Variants in CLDN16 observed in about 807,000 individuals in gnomAD.
CLDN16 encodes the protein claudin-16.
A neutral mutation model predicts 24.6 loss-of-function variants in CLDN16; 13 were observed. The observed-to-expected ratio is 0.53, with a 90% CI of 0.34 to 0.84. The LOEUF is 0.84. CLDN16 is among the 40% of genes least tolerant of loss of function. The probability of loss-of-function intolerance (pLI) is 0.01; values close to 1 mark genes in which losing one functional copy is unlikely to be tolerated. For missense variants in CLDN16, 298 were observed against 292.7 expected, an observed-to-expected ratio of 1.02 and a Z score of -0.13; for synonymous variants, 116 against 106.7, an observed-to-expected ratio of 1.09 and a Z score of -0.54.
At chr3:190,388,797 T>A (rs1718575585) in intron 1 of CLDN16, among the ~76,000 whole-genome samples, 1 of 152,218 alleles carries the variant, frequency 6.6e-6, no homozygotes, top group Non-Finnish European at 1.5e-5. Context: ...TACCACCCTT[T>A]TTTCTAAGAT....
chr3:190,300,175 A>G, the CLDN16 span, among the ~76,000 whole-genome samples: 1,440 of 151,312 alleles, frequency 9.5e-3, 23 homozygotes, highest in African/African-American at 0.033. Context: ...GGGGGCGGGC[A>G]GTTTGCTGAC....
chr3:190,328,637 C>T (rs1717120042), intron 1 of CLDN16, among the ~76,000 whole-genome samples: 1 of 151,320 alleles, frequency 6.6e-6, no homozygotes, highest in African/African-American at 2.4e-5. Flanking sequence ...AATATTTGAA[C>T]TAAACTCCCA....
At chr3:190,405,896 C>T (rs1261480885) in intron 3 of CLDN16, among the ~76,000 whole-genome samples, 1 of 152,126 alleles carries the variant, frequency 6.6e-6, no homozygotes, top group Non-Finnish European at 1.5e-5. Context: ...AAAGCTTAGT[C>T]CTCTTCTTTT....
At chr3:190,387,982 A>C, upstream of CLDN16, 1 of 773,952 alleles carries the variant, frequency 1.3e-6, no homozygotes, top group Non-Finnish European at 2.2e-6. Flanking sequence ...CCGTCTTGGC[A>C]CTGGCACTTG....
Position 190,368,840 on chromosome 3 carries a change from A to G in CLDN16, n.122-2053A>G, listed in dbSNP as rs538475139. Among the ~76,000 whole-genome samples the G allele has an allele frequency of 1.1e-4, 17 of 152,032 alleles. No individual in the cohort carries two copies. In the South Asian group the frequency reaches 3.5e-3, roughly 32 times the overall value. On this transcript the variant is annotated intron_variant and non_coding_transcript_variant, in intron 1 of 4. Transcript: ENST00000468220. ...TTCCTCTGTATTTTTTCCCTTTTCT[A>G]AGCTAGCCAAACCCTTTTATTGTTT... is the stretch of plus-strand genomic sequence containing the variant.
chr3:190,379,282 A>T (rs1032720036), intron 3 of CLDN16, among the ~76,000 whole-genome samples: 1 of 152,074 alleles, frequency 6.6e-6, no homozygotes, highest in African/African-American at 2.4e-5. Flanking sequence ...TGTAAAATGT[A>T]TTCCAAAATA....
chr3:190,312,788 A>G, the CLDN16 span: 3 of 1,486,972 alleles, frequency 2.0e-6, no homozygotes, highest in African/African-American at 2.8e-5. Flanking sequence ...GACTGAAATC[A>G]AGTATAATGA....
At chr3:190,312,867 A>AT in the CLDN16 span, 1 of 1,613,910 alleles carries the variant, frequency 6.2e-7, no homozygotes, top group African/African-American at 1.3e-5. Flanking sequence ...CACAGCCTCT[A>AT]TTACCTGCAA....
chr3:190,404,982 G>A, intron 3 of CLDN16, 56 bp downstream of exon 3: 1 of 1,550,708 alleles, frequency 6.4e-7, no homozygotes. Context: ...AAGGGCTTGA[G>A]GTGAAGGAGA....
chr3:190,306,315 G>A, the CLDN16 span: 8 of 152,296 alleles, frequency 5.3e-5, no homozygotes, highest in African/African-American at 1.9e-4. Context: ...AATCTTATTT[G>A]TTTAGTGCAC....
intron 1 of CLDN16, among the ~76,000 whole-genome samples, chr3:190,322,884 C>G (rs987422354): frequency 6.6e-6 from 1 of 152,044 alleles, no homozygotes; most frequent in East Asian, 1.9e-4. Context: ...GCTTCCTCCC[C>G]CTTCTTTCCT....
intron 1 of CLDN16, among the ~76,000 whole-genome samples, chr3:190,397,230 A>G (rs1356321950): frequency 2.0e-5 from 3 of 152,216 alleles, no homozygotes; most frequent in Non-Finnish European, 2.9e-5. Flanking sequence ...TCCATTTAGC[A>G]GGTAATCCAC....
At chr3:190,367,088 G>C (rs981957261) in intron 1 of CLDN16, among the ~76,000 whole-genome samples, 13 of 151,976 alleles carry the variant, frequency 8.6e-5, no homozygotes, top group African/African-American at 2.4e-4. Context: ...TTTATCTTTA[G>C]TCGACACTGT....
intron 1 of CLDN16, among the ~76,000 whole-genome samples, chr3:190,363,554 G>GTACATATATA (rs1553805321): frequency 1.2e-5 from 1 of 81,364 alleles, no homozygotes; most frequent in Non-Finnish European, 2.3e-5. Flanking sequence ...GTGTGTGTGT[G>GTACATATATA]TGTATATATA....
At chr3:190,295,973 GT>G in the CLDN16 span, among the ~76,000 whole-genome samples, 2 of 151,990 alleles carry the variant, frequency 1.3e-5, no homozygotes, top group Admixed American at 6.6e-5. Context: ...TGGCTCTAGG[GT>G]TTTTTATTTC....
At chr3:190,339,092 A>G (rs1261868982) in intron 1 of CLDN16, among the ~76,000 whole-genome samples, 1 of 152,202 alleles carries the variant, frequency 6.6e-6, no homozygotes, top group African/African-American at 2.4e-5. Flanking sequence ...ATTATAATCT[A>G]TGTTCTAGAG....
intron 1 of CLDN16, among the ~76,000 whole-genome samples, chr3:190,393,968 G>A (rs187433788): frequency 3.3e-5 from 5 of 151,992 alleles, no homozygotes; most frequent in Non-Finnish European, 7.4e-5. Context: ...GGCCAGGCTC[G>A]TCTTGAACTC....
At chr3:190,362,515 T>G (rs1171947506) in intron 1 of CLDN16, among the ~76,000 whole-genome samples, 1 of 151,964 alleles carries the variant, frequency 6.6e-6, no homozygotes, top group Non-Finnish European at 1.5e-5. Flanking sequence ...GAGACTGATT[T>G]GAGTAATAAT....
intron 1 of CLDN16, among the ~76,000 whole-genome samples, chr3:190,333,780 A>G (rs1193460749): frequency 1.3e-5 from 2 of 152,124 alleles, no homozygotes; most frequent in Non-Finnish European, 2.9e-5. Context: ...ACATTTACTC[A>G]TTCAATCATT....
Sources: gnomAD v4.1 joint callset for allele counts (sites outside exome capture counted in the v4.1 genomes callset) on GRCh38, gnomAD v4.1.1 for gene constraint, MANE v1.5 for transcripts, NCBI Gene and HGNC (gene_info 2026-07-23, HGNC 2026-07-21) for gene names.